SLIT2: variants seen among roughly 807,000 people sequenced by gnomAD.
SLIT2 encodes slit homolog 2 protein.
A neutral mutation model predicts 185.7 loss-of-function variants in SLIT2; 41 were observed. The ratio of observed to expected loss-of-function variants is 0.22; its 90% CI spans 0.17 to 0.29. The LOEUF (loss-of-function observed/expected upper bound fraction) is 0.29, where lower values mean the gene tolerates loss of function less well. Among genes scored for constraint, SLIT2 ranks in the 10% least tolerant of loss-of-function variants. The pLI, the probability that SLIT2 is intolerant of heterozygous loss-of-function variation, is 1.00. For missense variants in SLIT2, 1,571 were observed against 1,909.0 expected, an observed-to-expected ratio of 0.82 and a Z score of 3.30; for synonymous variants, 693 against 680.2, an observed-to-expected ratio of 1.02 and a Z score of -0.29.
At chr4:20,434,250 G>A (rs747006056) in intron 4 of SLIT2, among the ~76,000 whole-genome samples, 3 of 152,154 alleles carry the variant, frequency 2.0e-5, no homozygotes, top group African/African-American at 7.2e-5. Context: ...CACTTTGGGA[G>A]GCCAAGGCCA....
chr4:20,521,405 A>G (rs1165671739), intron 12 of SLIT2, among the ~76,000 whole-genome samples: 1 of 152,238 alleles, frequency 6.6e-6, no homozygotes, highest in East Asian at 1.9e-4. Context: ...AATAAAAGAA[A>G]CAAAACAGAT....
chr4:20,255,370 A>G (rs1577327535), intron 1 of SLIT2, among the ~76,000 whole-genome samples: 1 of 152,108 alleles, frequency 6.6e-6, no homozygotes, highest in African/African-American at 2.4e-5. Flanking sequence ...TCACTAGGTT[A>G]CCCTTACTCC....
At chr4:20,520,691 C>T (rs1344472828) in intron 12 of SLIT2, among the ~76,000 whole-genome samples, 1 of 151,986 alleles carries the variant, frequency 6.6e-6, no homozygotes, top group African/African-American at 2.4e-5. Flanking sequence ...TACATTACAC[C>T]TTAGCACACA....
intron 4 of SLIT2, among the ~76,000 whole-genome samples, chr4:20,413,145 C>G (rs1424805562): frequency 6.6e-6 from 1 of 151,882 alleles, no homozygotes; most frequent in Non-Finnish European, 1.5e-5. Context: ...AGTGCTGCAT[C>G]CAGTGTTTTG....
chr4:20,550,571 ATCT>A (rs917073893), intron 24 of SLIT2, among the ~76,000 whole-genome samples: 2 of 152,012 alleles, frequency 1.3e-5, no homozygotes, highest in African/African-American at 4.8e-5. Context: ...TAAAAGGAAG[ATCT>A]TCTTTATTTT....
intron 4 of SLIT2, among the ~76,000 whole-genome samples, chr4:20,427,417 GTCTGTACA>G (rs1728640219): frequency 6.6e-6 from 1 of 152,132 alleles, no homozygotes; most frequent in African/African-American, 2.4e-5. Flanking sequence ...TACACAATAA[GTCTGTACA>G]TCCACAGAAT....
intron 4 of SLIT2, among the ~76,000 whole-genome samples, chr4:20,384,444 G>A (rs1236667352): frequency 2.6e-5 from 4 of 152,148 alleles, no homozygotes; most frequent in African/African-American, 9.7e-5. Flanking sequence ...GACAGTTTTA[G>A]TGGTTACATG....
intron 4 of SLIT2, among the ~76,000 whole-genome samples, chr4:20,397,062 TA>T (rs1725956038): frequency 6.6e-6 from 1 of 151,646 alleles, no homozygotes; most frequent in Non-Finnish European, 1.5e-5. Context: ...GGCCTGGAAT[TA>T]AATCCTGGCT....
chr4:20,459,323 A>G (rs1392279315), intron 4 of SLIT2, among the ~76,000 whole-genome samples: 1 of 152,230 alleles, frequency 6.6e-6, no homozygotes, highest in Non-Finnish European at 1.5e-5. Flanking sequence ...TGATAAAAAC[A>G]TACCCTGAAA....
chr4:20,603,941 C>T (rs1728596082), intron 33 of SLIT2, among the ~76,000 whole-genome samples: 1 of 152,122 alleles, frequency 6.6e-6, no homozygotes, highest in South Asian at 2.1e-4. Flanking sequence ...TGGAAAGTTC[C>T]CCCTGTTTAC....
At chr4:20,373,285 A>G (rs1404478102) in intron 4 of SLIT2, among the ~76,000 whole-genome samples, 2 of 152,090 alleles carry the variant, frequency 1.3e-5, no homozygotes, top group East Asian at 1.9e-4. Context: ...TAGTAGATCA[A>G]TTTCTCCGCA....
chr4:20,362,007 T>C (rs920983684), intron 4 of SLIT2, among the ~76,000 whole-genome samples: 21 of 152,140 alleles, frequency 1.4e-4, no homozygotes, highest in Non-Finnish European at 2.2e-4. Context: ...TTCCTGCTCA[T>C]TTTGCTACAC....
intron 4 of SLIT2, among the ~76,000 whole-genome samples, chr4:20,380,179 A>G (rs1724377047): frequency 6.6e-6 from 1 of 152,196 alleles, no homozygotes; most frequent in South Asian, 2.1e-4. Flanking sequence ...GAGTCCTCAG[A>G]AAAGTATTAC....
intron 7 of SLIT2, 51 bp downstream of exon 7, chr4:20,486,322 C>A: frequency 9.6e-7 from 1 of 1,039,868 alleles, no homozygotes; most frequent in Non-Finnish European, 1.5e-6. Context: ...TAAAGCTTCC[C>A]CTTAAATAGC....
At chr4:20,472,056 T>C (rs1262095378) in intron 5 of SLIT2, among the ~76,000 whole-genome samples, 5 of 151,334 alleles carry the variant, frequency 3.3e-5, no homozygotes, top group South Asian at 2.1e-4. Context: ...AATTATACTG[T>C]TTATAATGGT....
chr4:20,370,432 T>G (rs543083439), intron 4 of SLIT2, among the ~76,000 whole-genome samples: 1 of 152,228 alleles, frequency 6.6e-6, no homozygotes, highest in African/African-American at 2.4e-5. Context: ...ATCTGGTGCT[T>G]TTGAATAAAT....
intron 4 of SLIT2, among the ~76,000 whole-genome samples, chr4:20,353,350 T>C (rs986585385): frequency 5.1e-4 from 78 of 152,196 alleles, no homozygotes; most frequent in African/African-American, 1.8e-3. Context: ...TTCTGAACTT[T>C]AAGAAGAAAC....
At chr4:20,402,153 G>A (rs1000717301) in intron 4 of SLIT2, among the ~76,000 whole-genome samples, 2 of 151,656 alleles carry the variant, frequency 1.3e-5, no homozygotes, top group African/African-American at 4.8e-5. Flanking sequence ...GGAAGTATGG[G>A]CAGCATGAAT....
At chr4:20,465,753 C>T (rs1435825579) in intron 4 of SLIT2, among the ~76,000 whole-genome samples, 1 of 152,116 alleles carries the variant, frequency 6.6e-6, no homozygotes, top group Non-Finnish European at 1.5e-5. Context: ...TACAAACCAC[C>T]TAAAATCATC....
Sources: allele counts gnomAD v4.1 joint callset (sites outside exome capture counted in the v4.1 genomes callset), GRCh38; gene constraint gnomAD v4.1.1; transcripts MANE v1.5; gene names NCBI Gene and HGNC (gene_info 2026-07-23, HGNC 2026-07-21).